SOBP: variants seen among roughly 807,000 people sequenced by gnomAD.
SOBP encodes sine oculis-binding protein homolog.
In SOBP, 4 loss-of-function variants were observed where a neutral mutation model predicts 53.6. The ratio of observed to expected loss-of-function variants is 0.07; its 90% CI spans 0.04 to 0.17. SOBP has a LOEUF of 0.17. SOBP is among the 10% of genes least tolerant of loss of function. The pLI, the probability that SOBP is intolerant of heterozygous loss-of-function variation, is 1.00. For missense variants in SOBP, 1,088 were observed against 1,204.7 expected, an observed-to-expected ratio of 0.90 and a Z score of 1.43; for synonymous variants, 584 against 522.6, an observed-to-expected ratio of 1.12 and a Z score of -1.60.
chr6:107,633,043 C>T (rs1770784541), intron 5 of SOBP, among the ~76,000 whole-genome samples: 1 of 152,192 alleles, frequency 6.6e-6, no homozygotes, highest in African/African-American at 2.4e-5. Flanking sequence ...TTTCCAACTG[C>T]ATTATCAAAC....
At chr6:107,637,338 T>C (rs907508157) in intron 6 of SOBP, among the ~76,000 whole-genome samples, 1 of 152,204 alleles carries the variant, frequency 6.6e-6, no homozygotes, top group Admixed American at 6.5e-5. Flanking sequence ...AGGAGACTTG[T>C]CAGTTGAGGA....
rs536667459 is a variant in SOBP, at chr6:107,576,190, G to A, written c.574-10890G>A. 3.3e-5 allele frequency among the ~76,000 whole-genome samples: 5 copies of A among 152,290 alleles called. No homozygotes were observed. In the East Asian group the frequency reaches 9.7e-4, roughly 29 times the overall value. ...CCCAAAATCATGTTTGAACTTCACA[G>A]TCTGAAAGACCCAGGGATGTGTCGC... is the stretch of plus-strand genomic sequence containing the variant. On this transcript the variant is annotated intron_variant, in intron 4 of 6. Coordinates refer to ENST00000317357, the MANE Select transcript of SOBP (RefSeq NM_018013.4).
intron 4 of SOBP, among the ~76,000 whole-genome samples, chr6:107,576,980 C>G (rs1171008605): frequency 6.6e-6 from 1 of 152,194 alleles, no homozygotes; most frequent in East Asian, 1.9e-4. Context: ...GGATTAGTAA[C>G]TAATTCACGG....
Position 107,634,231 on chromosome 6 carries a change from C to T in SOBP, c.1387C>T (p.Pro463Ser). 1 of 1,588,612 alleles carries T rather than the reference C, an allele frequency of 6.3e-7. No individual in the cohort carries two copies. The stretch of plus-strand genomic sequence containing the variant: ...CATGCTATCGCCCCACATCCACCCC[C>T]CGAGCACCCCCACCATGCCCGGGAA... Reference protein sequence around the residue: ...RPMLSPHIHPPSTPTMPGNPP... With the variant: ...RPMLSPHIHPSSTPTMPGNPP... Residue 463 changes from proline to serine, a missense_variant, in exon 6 of 7, where the codon CCG (proline) becomes TCG (serine). Pro to Ser is a moderately conservative substitution (Grantham distance 74). Around this residue, in one of 6 missense-constraint regions of SOBP, gnomAD observed 665 missense variants for 629.7 expected, o/e 1.06. Coordinates refer to ENST00000317357, the MANE Select transcript of SOBP (RefSeq NM_018013.4). The surrounding 1 kb of genome is among the most constrained non-coding windows in gnomAD (Gnocchi z 4.5).
intron 5 of SOBP, among the ~76,000 whole-genome samples, chr6:107,621,878 G>T (rs1770196165): frequency 1.3e-5 from 2 of 152,140 alleles, no homozygotes; most frequent in Admixed American, 1.3e-4. Context: ...TAAAGAATTT[G>T]GGGGTCAAGT....
At chr6:107,570,582 C>T (rs934782503) in intron 4 of SOBP, among the ~76,000 whole-genome samples, 1 of 152,230 alleles carries the variant, frequency 6.6e-6, no homozygotes, top group Non-Finnish European at 1.5e-5. Context: ...TCTCATTCTA[C>T]CAAGTGTGGG....
chr6:107,649,230 T>C (rs1349003895), intron 6 of SOBP, among the ~76,000 whole-genome samples: 1 of 149,634 alleles, frequency 6.7e-6, no homozygotes, highest in Non-Finnish European at 1.5e-5. Context: ...TCCCAGCACT[T>C]TGCAAGGCCT....
chr6:107,594,716 T>G (rs1342425417), intron 5 of SOBP, among the ~76,000 whole-genome samples: 3 of 152,228 alleles, frequency 2.0e-5, no homozygotes, highest in Admixed American at 2.0e-4. Flanking sequence ...GCACCTCCAA[T>G]GAACAAGCAC....
In SOBP at chr6:107,658,224, G is replaced by A; in HGVS notation, c.*21G>A. 6.5e-6 allele frequency: 1 copy of A among 152,878 alleles called. No homozygotes were observed. The allele number at this position is 152,878 out of a possible 1,614,324, so 9.5% of individuals were successfully genotyped here. On this transcript the variant is annotated 3_prime_UTR_variant, in exon 7 of 7. Coordinates refer to ENST00000317357, the MANE Select transcript of SOBP (RefSeq NM_018013.4). The stretch of plus-strand genomic sequence containing the variant: ...TTTTCCAGGAACGTTCACTCACAGG[G>A]TACGCTCATGGAGAGAGGGCGCAGA...
intron 2 of SOBP, among the ~76,000 whole-genome samples, chr6:107,504,919 G>A (rs1465705723): frequency 6.6e-6 from 1 of 152,146 alleles, no homozygotes; most frequent in South Asian, 2.1e-4. Flanking sequence ...ACTTGGCCTA[G>A]GTAATAATCT....
chr6:107,535,801 AT>A (rs1224963329), intron 4 of SOBP, among the ~76,000 whole-genome samples: 1 of 151,952 alleles, frequency 6.6e-6, no homozygotes, highest in Admixed American at 6.6e-5. Flanking sequence ...TGGTCATTTC[AT>A]TTAGGGCTTG....
At chr6:107,514,721 A>G (rs1306906791) in intron 3 of SOBP, 5 of 152,204 alleles carry the variant, frequency 3.3e-5, no homozygotes, top group Non-Finnish European at 7.3e-5. Flanking sequence ...TGTCTGCAAA[A>G]TGATGTGGTT....
intron 3 of SOBP, among the ~76,000 whole-genome samples, chr6:107,516,939 C>T (rs1283367832): frequency 6.6e-6 from 1 of 152,034 alleles, no homozygotes; most frequent in Non-Finnish European, 1.5e-5. Context: ...GAAGATTCCT[C>T]CTAAATTGAT....
chr6:107,643,623 G>T lies in SOBP; in HGVS notation c.*3+8154G>T, dbSNP rs181437043. The stretch of plus-strand genomic sequence containing the variant: ...TTTAGTAGAGATGGGGTTTCACCCT[G>T]TTGGCTAGGATGGTCTCCATCTCTT... On this transcript the variant is annotated intron_variant, in intron 6 of 6. Coordinates refer to ENST00000317357, the MANE Select transcript of SOBP (RefSeq NM_018013.4). 2.0e-5 allele frequency among the ~76,000 whole-genome samples: 3 copies of T among 152,118 alleles called. No individual in the cohort carries two copies. The East Asian group carries it at 5.8e-4, about 30-fold the overall frequency.
intron 5 of SOBP, among the ~76,000 whole-genome samples, chr6:107,588,713 G>C (rs538846325): frequency 2.5e-4 from 38 of 152,304 alleles, no homozygotes; most frequent in Non-Finnish European, 4.9e-4. Flanking sequence ...GTTGTGGTCA[G>C]TTTATACTGG....
At chr6:107,560,004 T>C (rs897404612) in intron 4 of SOBP, among the ~76,000 whole-genome samples, 2 of 152,160 alleles carry the variant, frequency 1.3e-5, no homozygotes, top group African/African-American at 4.8e-5. Context: ...TGGCCTGATG[T>C]CCTGGTTGTC....
rs759526488 is a variant in SOBP, at chr6:107,549,814, G to T, written c.573+16204G>T. On this transcript the variant is annotated intron_variant, in intron 4 of 6. Transcript: ENST00000317357. Reference sequence around the variant, plus strand: ...ATTTCTTTCTCCCTATGTGTGTAGGGAGATGGGGTGATGTACTGGAGAAAA... The same window carrying T: ...ATTTCTTTCTCCCTATGTGTGTAGGTAGATGGGGTGATGTACTGGAGAAAA... 2.0e-5 allele frequency among the ~76,000 whole-genome samples: 3 copies of T among 152,270 alleles called. No individual in the cohort carries two copies. In the South Asian group the frequency reaches 6.2e-4, roughly 32 times the overall value.
chr6:107,520,976 G>T (rs1783468482), intron 3 of SOBP, among the ~76,000 whole-genome samples: 1 of 150,906 alleles, frequency 6.6e-6, no homozygotes, highest in Admixed American at 6.6e-5. Context: ...ATTTTCAGCT[G>T]GATAATTGGT....
intron 1 of SOBP, among the ~76,000 whole-genome samples, chr6:107,491,417 C>T (rs1782578485): frequency 6.6e-6 from 1 of 152,258 alleles, no homozygotes; most frequent in Non-Finnish European, 1.5e-5. Context: ...GGGCGCCTGT[C>T]CATTGTTCGC....
Sources: gnomAD v4.1 joint callset for allele counts (sites outside exome capture counted in the v4.1 genomes callset) on GRCh38, gnomAD v4.1.1 for gene constraint, gnomAD v4.1.1 regional missense constraint, Gnocchi (gnomAD v3.1) non-coding constraint, MANE v1.5 for transcripts, NCBI Gene and HGNC (gene_info 2026-07-23, HGNC 2026-07-21) for gene names.